Variants in SPAG7 observed in about 807,000 individuals in gnomAD.
SPAG7 encodes sperm-associated antigen 7.
In SPAG7, 20 loss-of-function variants were observed where a neutral mutation model predicts 30.6. That is an observed-to-expected ratio of 0.65 (90% confidence interval 0.46 to 0.95). The LOEUF is 0.95. Among genes scored for constraint, SPAG7 ranks in the 40% least tolerant of loss-of-function variants. The pLI, the probability that SPAG7 is intolerant of heterozygous loss-of-function variation, is 0.00. For synonymous variants in SPAG7, 127 were observed against 104.2 expected, an observed-to-expected ratio of 1.22 and a Z score of -1.33; for missense variants, 276 against 291.1, an observed-to-expected ratio of 0.95 and a Z score of 0.38.
At chr17:4,961,094 A>G (rs1971854389) in intron 1 of SPAG7, among the ~76,000 whole-genome samples, 1 of 152,228 alleles carries the variant, frequency 6.6e-6, no homozygotes, top group Non-Finnish European at 1.5e-5. Context: ...ACCCCTATAC[A>G]TACTATGTCT....
rs1971875847 is a variant in SPAG7, at chr17:4,962,281, T to C, written c.86-1428A>G. Among the ~76,000 whole-genome samples the C allele has an allele frequency of 2.0e-5, 3 of 152,082 alleles. No homozygotes were observed. The South Asian group carries it at 6.2e-4, about 31-fold the overall frequency. ...GGCATGTGCCACCACACCCGGCTAA[T>C]TTTTGTATTTTTAGTAGAGATGGGG... On this transcript the variant is annotated intron_variant, in intron 1 of 6. Coordinates refer to ENST00000206020, the MANE Select transcript of SPAG7 (RefSeq NM_004890.3).
In SPAG7 at chr17:4,960,284, A is replaced by G. The variant is rs1217686247; in HGVS notation, c.277T>C (p.Phe93Leu). The change falls in exon 4 of 7, where the codon TTC becomes CTC. Residue 93 changes from phenylalanine to leucine, a missense_variant. Coordinates refer to ENST00000206020, the MANE Select transcript of SPAG7 (RefSeq NM_004890.3). ...CAGTCATCATCTTCCCCAAAGGAGAAGGATGTCAGGCCAGCCACTTCCACC... is the reference window on the plus strand; with the variant it reads ...CAGTCATCATCTTCCCCAAAGGAGAGGGATGTCAGGCCAGCCACTTCCACC... Reference protein sequence around the residue: ...DVVEVAGLTSFSFGEDDDCRY... With the variant: ...DVVEVAGLTSLSFGEDDDCRY... 6.2e-7 allele frequency: 1 copy of G among 1,614,104 alleles called. No homozygotes were observed. The highest frequency in any genetic ancestry group is 8.5e-7 in the Non-Finnish European group (1 of 1,180,028).
At chr17:4,960,896 T>C in intron 1 of SPAG7, 43 bp from the exon 2 acceptor site, 2 of 1,585,510 alleles carry the variant, frequency 1.3e-6, no homozygotes, top group South Asian at 1.1e-5. Context: ...GCTGGAAGCA[T>C]GGGTGGGAAA....
At chr17:4,963,638 T>C (rs1971901557) in intron 1 of SPAG7, among the ~76,000 whole-genome samples, 1 of 151,978 alleles carries the variant, frequency 6.6e-6, no homozygotes, top group Non-Finnish European at 1.5e-5. Flanking sequence ...TTTGTATTTT[T>C]AGTAGAGATG....
At chr17:4,961,743 C>T (rs753439570) in intron 1 of SPAG7, among the ~76,000 whole-genome samples, 10 of 128,614 alleles carry the variant, frequency 7.8e-5, no homozygotes, top group Non-Finnish European at 1.1e-4. Context: ...CCAGCCTGGG[C>T]GACACAGCAA....
intron 1 of SPAG7, among the ~76,000 whole-genome samples, chr17:4,965,090 A>T (rs572543276): frequency 6.6e-6 from 1 of 152,016 alleles, no homozygotes; most frequent in South Asian, 2.1e-4. Flanking sequence ...TTTCATTTTT[A>T]GTAGAGATGG....
At chr17:4,961,887 A>G (rs1322201750) in intron 1 of SPAG7, among the ~76,000 whole-genome samples, 2 of 152,158 alleles carry the variant, frequency 1.3e-5, no homozygotes, top group Non-Finnish European at 2.9e-5. Context: ...CTTACTGTAT[A>G]TAACAGTTCT....
In SPAG7 at chr17:4,959,331, A is replaced by ACT. The variant is rs986745638; in HGVS notation, c.*201_*202dup. 1.2e-5 allele frequency: 7 copies of ACT among 564,558 alleles called. No individual in the cohort carries two copies. The highest frequency in any genetic ancestry group is 2.5e-5 in the South Asian group (1 of 40,246). The allele number at this position is 564,558 out of a possible 1,614,324, so 35.0% of individuals were successfully genotyped here. A position where few individuals can be genotyped will look rare whatever the true frequency, so the allele number is the denominator to read the frequency against. ...ATTAAATACCCACCTGTGCATTCAC[A>ACT]CTCTCACACACACACACACATGCCA... On this transcript the variant is annotated 3_prime_UTR_variant, in exon 7 of 7. Transcript: ENST00000206020.
At chr17:4,962,052 G>A (rs1971872603) in intron 1 of SPAG7, among the ~76,000 whole-genome samples, 1 of 152,128 alleles carries the variant, frequency 6.6e-6, no homozygotes, top group South Asian at 2.1e-4. Flanking sequence ...GAGTGACAAA[G>A]ATCAGAATAA....
At chr17:4,965,617 C>T (rs1971936559) in intron 1 of SPAG7, among the ~76,000 whole-genome samples, 2 of 152,040 alleles carry the variant, frequency 1.3e-5, no homozygotes, top group African/African-American at 4.8e-5. Context: ...GGCCTGACAG[C>T]TTATGAGCTC....
intron 4 of SPAG7, 34 bp from the exon 5 acceptor site, chr17:4,960,145 A>G: frequency 1.2e-6 from 2 of 1,604,388 alleles, no homozygotes; most frequent in African/African-American, 1.3e-5. Flanking sequence ...GTCAGAGTCC[A>G]TACAAATGTT....
chr17:4,960,053 G>T lies in SPAG7; in HGVS notation c.386C>A (p.Pro129His). The T allele has an allele frequency of 1.9e-6, 3 of 1,614,158 alleles. No individual in the cohort carries two copies. The highest frequency in any genetic ancestry group is 2.5e-6 in the Non-Finnish European group (3 of 1,180,026). ...CTTCCGCTTCTCCTCAGCCTTCTGG[G>T]GGTCCCATTCCTCTCCACGACGGTA... ...DSYRRGEEWD[P>H]QKAEEKRKLK... is the part of the protein sequence containing the mutation. The change falls in exon 5 of 7, where the codon CCC becomes CAC. Residue 129 changes from proline (P) to histidine (H), a missense_variant. Coordinates refer to ENST00000206020, the MANE Select transcript of SPAG7 (RefSeq NM_004890.3).
At chr17:4,967,313 T>A (rs1391170044) in intron 1 of SPAG7, 1 of 751,712 alleles carries the variant, frequency 1.3e-6, no homozygotes, top group East Asian at 1.0e-4. Context: ...GGCAGAGCTT[T>A]AAGTTGAGAT....
At chr17:4,967,652 C>G in intron 1 of SPAG7, 68 bp downstream of exon 1, 1 of 1,255,542 alleles carries the variant, frequency 8.0e-7, no homozygotes, top group Non-Finnish European at 1.2e-6. Context: ...GCGGCATCGT[C>G]CAAAGAGGGA....
intron 1 of SPAG7, among the ~76,000 whole-genome samples, chr17:4,961,464 A>AG: frequency 6.7e-6 from 1 of 148,996 alleles, no homozygotes; most frequent in East Asian, 2.0e-4. Flanking sequence ...CTCAAAAAAA[A>AG]AAAAGAGATG....
rs759240806 is a variant in SPAG7 at position 4,960,448 on chromosome 17, G to A, written c.242+11C>T. On this transcript the variant is annotated intron_variant, in intron 3 of 6. Coordinates refer to ENST00000206020, the MANE Select transcript of SPAG7 (RefSeq NM_004890.3). ...CCCATTTCCTTCCTCCCCCAGCCCA[G>A]GGACACTCACAGTATGCTCCTCTCG... The A allele has an allele frequency of 1.9e-6, 3 of 1,608,212 alleles. No homozygotes were observed. The Admixed American group carries it at 5.1e-5, about 27-fold the overall frequency.
Position 4,960,105 on chromosome 17 carries a change from C to A in SPAG7, c.334G>T (p.Ala112Ser). ...RYVMIFKKEF[A>S]PSDEELDSYR... ...GAGTCTAGCTCTTCATCTGAGGGTGCAAACTCCTGAAGAAGAGCAGAATGA... is the reference window on the plus strand; with the variant it reads ...GAGTCTAGCTCTTCATCTGAGGGTGAAAACTCCTGAAGAAGAGCAGAATGA... Residue 112 changes from alanine to serine, a missense_variant, in exon 5 of 7, where the codon GCA (alanine) becomes TCA (serine). By Grantham distance (99) the Ala-to-Ser change is moderately conservative. Transcript: ENST00000206020. 3.7e-6 allele frequency: 6 copies of A among 1,613,314 alleles called. No individual in the cohort carries two copies. The highest frequency in any genetic ancestry group is 5.1e-6 in the Non-Finnish European group (6 of 1,179,228).
chr17:4,961,122 C>A (rs1023812059), intron 1 of SPAG7, among the ~76,000 whole-genome samples: 1 of 152,094 alleles, frequency 6.6e-6, no homozygotes, highest in African/African-American at 2.4e-5. Context: ...TACATACATG[C>A]CTATGATAAA....
rs750854658 is a variant in SPAG7 at position 4,960,809 on chromosome 17, G to A, written c.130C>T (p.Gln44Ter). The change falls in exon 2 of 7, where the codon CAG becomes TAG. Residue 44 changes from glutamine (Q) to a stop codon, truncating the protein, a stop_gained. Coordinates refer to ENST00000206020, the MANE Select transcript of SPAG7 (RefSeq NM_004890.3). LOFTEE classifies it high-confidence loss of function. ...LKKLQEQEKQQKVEFRKRMEK... is the reference protein window; with the variant it reads ...LKKLQEQEKQ Reference sequence around the variant, plus strand: ...ACCCTTTTACGAAACTCCACTTTCTGTTGTTTCTCTTGCTCTTGTAGTTTC... The same window carrying A: ...ACCCTTTTACGAAACTCCACTTTCTATTGTTTCTCTTGCTCTTGTAGTTTC... The A allele has an allele frequency of 5.0e-6, 8 of 1,614,148 alleles. No individual in the cohort carries two copies. Among genetic ancestry groups the A allele is most frequent in the Non-Finnish European group, 6.8e-6 (8 of 1,180,028 alleles).
Sources: allele counts gnomAD v4.1 joint callset (sites outside exome capture counted in the v4.1 genomes callset), GRCh38; gene constraint gnomAD v4.1.1; transcripts MANE v1.5; gene names NCBI Gene and HGNC (gene_info 2026-07-23, HGNC 2026-07-21).